The following ME3 variants were observed in gnomAD, a reference collection of about 807,000 sequenced individuals.
ME3 encodes NADP-dependent malic enzyme, mitochondrial.
ME3 carries 48 observed loss-of-function variants against 68.9 expected under a neutral mutation model. That is an observed-to-expected ratio of 0.70 (90% confidence interval 0.55 to 0.89). The LOEUF is 0.89. Ranked by LOEUF, ME3 falls within the 40% of genes least tolerant of loss-of-function variation. The pLI is 0.00. For synonymous variants in ME3, 320 were observed against 318.8 expected, an observed-to-expected ratio of 1.00 and a Z score of -0.04; for missense variants, 675 against 797.4, an observed-to-expected ratio of 0.85 and a Z score of 1.85.
At chr11:86,631,455 A>G (rs1029150054) in intron 2 of ME3, among the ~76,000 whole-genome samples, 8 of 152,140 alleles carry the variant, frequency 5.3e-5, no homozygotes, top group African/African-American at 1.9e-4. Flanking sequence ...CTAGTGCCAA[A>G]CTCATAAGAA....
intron 2 of ME3, among the ~76,000 whole-genome samples, chr11:86,578,740 C>G (rs185280479): frequency 7.2e-5 from 11 of 152,272 alleles, no homozygotes; most frequent in Admixed American, 7.2e-4. Context: ...CACCAAGAAG[C>G]AGGAGTTCCA....
intron 8 of ME3, among the ~76,000 whole-genome samples, chr11:86,453,496 A>T (rs570187667): frequency 6.6e-6 from 1 of 152,274 alleles, no homozygotes; most frequent in African/African-American, 2.4e-5. Context: ...CTAGAGGGAG[A>T]CAAAGGCTAG....
intron 2 of ME3, among the ~76,000 whole-genome samples, chr11:86,619,777 A>G (rs1321516047): frequency 6.6e-6 from 1 of 152,246 alleles, no homozygotes; most frequent in Non-Finnish European, 1.5e-5. Context: ...ACATGAAAAC[A>G]GACTAATACA....
intron 4 of ME3, among the ~76,000 whole-genome samples, chr11:86,524,272 C>T (rs1482163221): frequency 6.6e-6 from 1 of 152,184 alleles, no homozygotes; most frequent in East Asian, 1.9e-4. Flanking sequence ...ATCATCAAAC[C>T]TGCGATTCTG....
chr11:86,476,061 G>A (rs1200724347), intron 7 of ME3, among the ~76,000 whole-genome samples: 1 of 151,982 alleles, frequency 6.6e-6, no homozygotes, highest in East Asian at 1.9e-4. Context: ...TTGTAGTCTG[G>A]ATGCTATATG....
chr11:86,657,278 C>T (rs1945956235), intron 2 of ME3, among the ~76,000 whole-genome samples: 1 of 152,098 alleles, frequency 6.6e-6, no homozygotes, highest in South Asian at 2.1e-4. Flanking sequence ...CCATGGAATA[C>T]TATGCAGCCA....
intron 5 of ME3, 97 bp downstream of exon 5, chr11:86,508,695 T>G: frequency 8.8e-7 from 1 of 1,135,164 alleles, no homozygotes; most frequent in African/African-American, 1.5e-5. Flanking sequence ...CTGCCTTCAG[T>G]GTCATAATGG....
chr11:86,643,733 C>T (rs1269012672), intron 2 of ME3, among the ~76,000 whole-genome samples: 1 of 152,162 alleles, frequency 6.6e-6, no homozygotes, highest in East Asian at 1.9e-4. Context: ...GTTCTTTACA[C>T]TCTAGGTTCC....
At chr11:86,472,363 T>G (rs746856756) in intron 7 of ME3, among the ~76,000 whole-genome samples, 11 of 151,964 alleles carry the variant, frequency 7.2e-5, no homozygotes, top group Non-Finnish European at 1.5e-4. Context: ...TGGCGGGTGT[T>G]TTAGGAAGTT....
At chr11:86,506,791 T>C (rs561495102) in intron 5 of ME3, among the ~76,000 whole-genome samples, 2 of 152,180 alleles carry the variant, frequency 1.3e-5, no homozygotes, top group African/African-American at 4.8e-5. Context: ...GTGAAAGAGA[T>C]AACTTTACAG....
chr11:86,654,115 A>T (rs1189206812), intron 2 of ME3, among the ~76,000 whole-genome samples: 1 of 152,200 alleles, frequency 6.6e-6, no homozygotes, highest in East Asian at 1.9e-4. Flanking sequence ...TAGCTTACCA[A>T]CCAAAAAAAA....
intron 2 of ME3, among the ~76,000 whole-genome samples, chr11:86,669,116 A>G (rs936946399): frequency 6.6e-6 from 1 of 152,210 alleles, no homozygotes; most frequent in Non-Finnish European, 1.5e-5. Context: ...ACAACAGAAC[A>G]GCCAGAGGGT....
intron 2 of ME3, among the ~76,000 whole-genome samples, chr11:86,566,267 T>C (rs1212686850): frequency 6.6e-6 from 1 of 152,240 alleles, no homozygotes; most frequent in Non-Finnish European, 1.5e-5. Context: ...AAGCCTTTTA[T>C]CTATACTGAG....
intron 4 of ME3, among the ~76,000 whole-genome samples, chr11:86,521,770 A>G (rs548693304): frequency 6.6e-6 from 1 of 152,316 alleles, no homozygotes; most frequent in East Asian, 1.9e-4. Flanking sequence ...TTTCAAAACT[A>G]CATTTTCTAG....
intron 4 of ME3, among the ~76,000 whole-genome samples, chr11:86,510,069 C>T (rs1318615126): frequency 6.6e-6 from 1 of 152,164 alleles, no homozygotes; most frequent in Non-Finnish European, 1.5e-5. Context: ...ACATTTCTTG[C>T]CAGGACTGTT....
At chr11:86,617,034 C>A (rs1943003971) in intron 2 of ME3, among the ~76,000 whole-genome samples, 1 of 125,928 alleles carries the variant, frequency 7.9e-6, no homozygotes, top group Non-Finnish European at 1.6e-5. Context: ...CTAAAATACT[C>A]CAAGATAGTA....
intron 2 of ME3, among the ~76,000 whole-genome samples, chr11:86,581,589 G>A (rs1001151250): frequency 1.3e-5 from 2 of 152,182 alleles, no homozygotes; most frequent in Admixed American, 1.3e-4. Flanking sequence ...GCAAGCAAGA[G>A]CAATGCTTTG....
At chr11:86,548,895 G>T (rs372097561) in intron 4 of ME3, among the ~76,000 whole-genome samples, 3 of 152,148 alleles carry the variant, frequency 2.0e-5, no homozygotes, top group Non-Finnish European at 4.4e-5. Context: ...GCCTCCTTCC[G>T]ATGGTCTCTG....
At chr11:86,669,643 G>T (rs1946799740) in intron 2 of ME3, among the ~76,000 whole-genome samples, 1 of 152,256 alleles carries the variant, frequency 6.6e-6, no homozygotes, top group Middle Eastern at 3.4e-3. Flanking sequence ...CTCCCACAGG[G>T]TTCCTTCCAC....
Sources: gnomAD v4.1 joint callset for allele counts (sites outside exome capture counted in the v4.1 genomes callset) on GRCh38, gnomAD v4.1.1 for gene constraint, MANE v1.5 for transcripts, NCBI Gene and HGNC (gene_info 2026-07-23, HGNC 2026-07-21) for gene names.